The following JAM2 variants were observed in gnomAD, a reference collection of about 807,000 sequenced individuals.
The protein encoded by JAM2 is junctional adhesion molecule B.
JAM2 carries 17 observed loss-of-function variants against 42.0 expected under a neutral mutation model. That is an observed-to-expected ratio of 0.40 (90% CI 0.28 to 0.61). The LOEUF is 0.61. JAM2 is among the 20% of genes least tolerant of loss of function. JAM2 has a pLI of 0.37. For missense variants in JAM2, 319 were observed against 358.3 expected, an observed-to-expected ratio of 0.89 and a Z score of 0.89; for synonymous variants, 118 against 128.6, an observed-to-expected ratio of 0.92 and a Z score of 0.56.
At chr21:25,648,595 G>T (rs2032681287) in intron 1 of JAM2, among the ~76,000 whole-genome samples, 1 of 152,068 alleles carries the variant, frequency 6.6e-6, no homozygotes, top group African/African-American at 2.4e-5. Context: ...CTCCCTGAAG[G>T]TCTAACTCCA....
At chr21:25,660,758 C>A (rs1460730661) in intron 1 of JAM2, among the ~76,000 whole-genome samples, 2 of 79,624 alleles carry the variant, frequency 2.5e-5, no homozygotes, top group Non-Finnish European at 4.4e-5. Context: ...CTCACAATAA[C>A]CATATATATA....
At chr21:25,654,562 C>T (rs755558935) in intron 1 of JAM2, among the ~76,000 whole-genome samples, 17 of 150,552 alleles carry the variant, frequency 1.1e-4, no homozygotes, top group Non-Finnish European at 2.2e-4. Flanking sequence ...ACACAAGAAT[C>T]GCTTGAACCT....
chr21:25,696,241 A>C (rs1307833340), intron 4 of JAM2, among the ~76,000 whole-genome samples: 2 of 152,140 alleles, frequency 1.3e-5, no homozygotes, highest in Non-Finnish European at 2.9e-5. Context: ...TACGAAAACC[A>C]GTCAGGCGTG....
At chr21:25,664,751 A>T (rs916790924) in intron 1 of JAM2, among the ~76,000 whole-genome samples, 18 of 152,102 alleles carry the variant, frequency 1.2e-4, no homozygotes, top group Non-Finnish European at 2.6e-4. Context: ...GCTCTAAATT[A>T]TATTCCTCCC....
rs1354768315 is a variant in JAM2 at position 25,716,671 on chromosome 21, A to G, written c.*1999A>G. 1 of 152,236 alleles carries G rather than the reference A, an allele frequency of 6.6e-6. No homozygotes were observed. The highest frequency in any genetic ancestry group is 1.5e-5 in the Non-Finnish European group (1 of 68,038). The allele number at this position is 152,236 out of a possible 1,614,324, so 9.4% of individuals were successfully genotyped here. A position where few individuals can be genotyped will look rare whatever the true frequency, so the allele number is the denominator to read the frequency against. ...CCACAGACAAAACAAGCAAGTAGTC[A>G]TGTCTGTGTTCCAATAAGACTTTAT... On this transcript the variant is annotated 3_prime_UTR_variant, in exon 10 of 10. Coordinates refer to ENST00000480456, the MANE Select transcript of JAM2 (RefSeq NM_021219.4).
intron 1 of JAM2, among the ~76,000 whole-genome samples, chr21:25,664,636 C>T (rs2033172621): frequency 6.6e-6 from 1 of 152,222 alleles, no homozygotes; most frequent in Admixed American, 6.5e-5. Flanking sequence ...ATTTCCATGA[C>T]ATCATTCTGT....
At chr21:25,672,398 A>G (rs2033382140) in intron 1 of JAM2, among the ~76,000 whole-genome samples, 1 of 152,228 alleles carries the variant, frequency 6.6e-6, no homozygotes, top group African/African-American at 2.4e-5. Flanking sequence ...CAGAGTTCAA[A>G]TCCAGGTTCA....
rs565601542 is a variant in JAM2 at position 25,677,591 on chromosome 21, C to T, written c.68-6292C>T. On this transcript the variant is annotated intron_variant, in intron 1 of 9. Coordinates refer to ENST00000480456, the MANE Select transcript of JAM2 (RefSeq NM_021219.4). ...AATCTCAGAGTGTACTAAAGTTTGCCTGAAATGAAGGAAGGCCAGAACCTA... is the reference window on the plus strand; with the variant it reads ...AATCTCAGAGTGTACTAAAGTTTGCTTGAAATGAAGGAAGGCCAGAACCTA... Among the ~76,000 whole-genome samples, 9 of 152,188 alleles carry T rather than the reference C, an allele frequency of 5.9e-5. No individual in the cohort carries two copies. In the South Asian group the frequency reaches 1.9e-3, roughly 32 times the overall value.
At chr21:25,702,532 A>C (rs1389820911) in intron 6 of JAM2, among the ~76,000 whole-genome samples, 3 of 152,252 alleles carry the variant, frequency 2.0e-5, no homozygotes, top group Admixed American at 6.5e-5. Context: ...TTTAAAATAC[A>C]TTCTTCTAAG....
intron 6 of JAM2, 119 bp downstream of exon 6, chr21:25,702,388 G>A (rs1403717669): frequency 1.9e-6 from 1 of 518,306 alleles, no homozygotes; most frequent in Non-Finnish European, 3.4e-6. Context: ...ATAAACAGGA[G>A]AGAATGACTA....
chr21:25,675,310 A>G (rs1418704680), intron 1 of JAM2, among the ~76,000 whole-genome samples: 1 of 152,146 alleles, frequency 6.6e-6, no homozygotes, highest in Non-Finnish European at 1.5e-5. Flanking sequence ...ACCCTGGCCA[A>G]CATGGTGAAA....
intron 6 of JAM2, among the ~76,000 whole-genome samples, chr21:25,704,869 TTGAA>T (rs1315275699): frequency 6.6e-6 from 1 of 152,232 alleles, no homozygotes; most frequent in Non-Finnish European, 1.5e-5. Flanking sequence ...TATTAATGAC[TTGAA>T]TGAGAGTATT....
At chr21:25,666,083 C>T (rs191482481) in intron 1 of JAM2, among the ~76,000 whole-genome samples, 491 of 152,020 alleles carry the variant, frequency 3.2e-3, no homozygotes, top group African/African-American at 0.011. Context: ...TCCAACAACA[C>T]CCTCACAGAA....
chr21:25,687,649 T>G (rs1303458717), intron 2 of JAM2, among the ~76,000 whole-genome samples: 1 of 152,192 alleles, frequency 6.6e-6, no homozygotes, highest in African/African-American at 2.4e-5. Context: ...CAATAGAAAT[T>G]TATTCTCTCA....
At chr21:25,686,414 C>T (rs11087972) in intron 2 of JAM2, among the ~76,000 whole-genome samples, 12,435 of 151,804 alleles carry the variant, frequency 0.082, 699 homozygotes, top group East Asian at 0.3. Flanking sequence ...TTAATTTTGC[C>T]GTAAGTCTAT....
intron 8 of JAM2, chr21:25,711,415 G>A (rs930874000): frequency 1.1e-5 from 5 of 456,100 alleles, no homozygotes; most frequent in Non-Finnish European, 2.2e-5. Flanking sequence ...GAAGATGGAT[G>A]ACAAACTATC....
At chr21:25,640,819 CTCTCTCTTTCTTTCTG>C (rs1455578044) in intron 1 of JAM2, among the ~76,000 whole-genome samples, 89 of 151,008 alleles carry the variant, frequency 5.9e-4, no homozygotes, top group African/African-American at 2.0e-3. Flanking sequence ...CTTTCTTTCT[CTCTCTCTTTCTTTCTG>C]TCTCTCTTTC....
intron 1 of JAM2, among the ~76,000 whole-genome samples, chr21:25,669,120 C>G (rs1431593677): frequency 6.6e-6 from 1 of 152,104 alleles, no homozygotes; most frequent in African/African-American, 2.4e-5. Context: ...CACCTATAAT[C>G]CCAGCATTTT....
chr21:25,654,519 G>A (rs374995190), intron 1 of JAM2, among the ~76,000 whole-genome samples: 72 of 151,848 alleles, frequency 4.7e-4, no homozygotes, highest in African/African-American at 1.4e-3. Flanking sequence ...GTGGTGGCTC[G>A]TGCCTGTAAT....
Sources: allele counts gnomAD v4.1 joint callset (sites outside exome capture counted in the v4.1 genomes callset), GRCh38; gene constraint gnomAD v4.1.1; transcripts MANE v1.5; gene names NCBI Gene and HGNC (gene_info 2026-07-23, HGNC 2026-07-21).